DIAPH2: variants seen among roughly 807,000 people sequenced by gnomAD.
DIAPH2 encodes the protein protein diaphanous homolog 2.
In DIAPH2, 35 loss-of-function variants were observed where a neutral mutation model predicts 92.7. That is an observed-to-expected ratio of 0.38 (90% CI 0.29 to 0.50). The LOEUF is 0.50. Among genes scored for constraint, DIAPH2 ranks in the 20% least tolerant of loss-of-function variants. The probability of loss-of-function intolerance (pLI) is 0.94; values close to 1 mark genes in which losing one functional copy is unlikely to be tolerated. For synonymous variants in DIAPH2, 301 were observed against 280.4 expected (o/e 1.07, Z -0.73); for missense variants, 701 against 819.5 (o/e 0.86, Z 1.77).
At chrX:96,929,182 A>T (rs2065603420) in intron 9 of DIAPH2, among the ~76,000 whole-genome samples, 1 of 111,727 alleles carries the variant, frequency 9.0e-6, no homozygotes, top group African/African-American at 3.2e-5. Context: ...ATGATAATAT[A>T]GCTGTGGACA....
intron 25 of DIAPH2, among the ~76,000 whole-genome samples, chrX:97,404,701 C>A (rs145152711): frequency 8.9e-6 from 1 of 111,825 alleles, no homozygotes; most frequent in African/African-American, 3.2e-5. Flanking sequence ...AAGGTCCTTT[C>A]TTCTTTTATC....
At chrX:97,496,917 A>T (rs953976669) in intron 26 of DIAPH2, among the ~76,000 whole-genome samples, 13 of 112,002 alleles carry the variant, frequency 1.2e-4, no homozygotes, top group Non-Finnish European at 2.3e-4. Flanking sequence ...TTTAAAACTG[A>T]TACATTTTTA....
chrX:97,475,763 C>A (rs1378617193), intron 26 of DIAPH2, among the ~76,000 whole-genome samples: 1 of 111,855 alleles, frequency 8.9e-6, no homozygotes, highest in Non-Finnish European at 1.9e-5. Flanking sequence ...GATATGGCAA[C>A]CTGAAATGCA....
At chrX:96,981,817 GT>G (rs199677627) in intron 17 of DIAPH2, among the ~76,000 whole-genome samples, 3,560 of 111,559 alleles carry the variant, frequency 0.032, 159 homozygotes, top group African/African-American at 0.11. Context: ...TAGTATAACT[GT>G]GCCTATGGCT....
chrX:97,182,674 A>G (rs1045236431), intron 22 of DIAPH2, among the ~76,000 whole-genome samples: 20 of 111,939 alleles, frequency 1.8e-4, no homozygotes, highest in Non-Finnish European at 3.8e-4. Context: ...ATCAAAGACA[A>G]TTCTGAGCCT....
intron 1 of DIAPH2, among the ~76,000 whole-genome samples, chrX:96,690,044 C>A (rs1569366550): frequency 9.2e-6 from 1 of 108,558 alleles, no homozygotes; most frequent in East Asian, 2.9e-4. Flanking sequence ...ATACATTCCT[C>A]TTTGTCTTTT....
At chrX:96,923,282 A>C (rs2065558624) in intron 9 of DIAPH2, among the ~76,000 whole-genome samples, 1 of 111,906 alleles carries the variant, frequency 8.9e-6, no homozygotes, top group Non-Finnish European at 1.9e-5. Context: ...TAAGATGCTG[A>C]AAATAATAAT....
At chrX:97,014,250 A>G (rs1381972946) in intron 17 of DIAPH2, among the ~76,000 whole-genome samples, 2 of 111,839 alleles carry the variant, frequency 1.8e-5, no homozygotes, top group Non-Finnish European at 3.8e-5. Context: ...GTAATAGTTC[A>G]GGAAGATGGA....
At position 96,831,027 on chromosome X, in the gene DIAPH2, G is replaced by C. The variant is rs960614164; in HGVS notation, c.448-50552G>C. On this transcript the variant is annotated intron_variant, in intron 4 of 26. Transcript: ENST00000324765. ...CAGTGAAAGACTGGTAAAATCTGCTGTTACTCTTCCCCTGGCTTAGTGTGC... is the reference window on the plus strand; with the variant it reads ...CAGTGAAAGACTGGTAAAATCTGCTCTTACTCTTCCCCTGGCTTAGTGTGC... Among the ~76,000 whole-genome samples, 5 of 111,765 alleles carry C rather than the reference G, an allele frequency of 4.5e-5. No individual in the cohort carries two copies. In the South Asian group the frequency reaches 1.9e-3, roughly 42 times the overall value.
intron 23 of DIAPH2, among the ~76,000 whole-genome samples, chrX:97,332,037 C>G (rs778528483): frequency 9.0e-6 from 1 of 111,322 alleles, no homozygotes; most frequent in Non-Finnish European, 1.9e-5. Context: ...GGTTCTTAAC[C>G]CTGTTTTAGA....
intron 26 of DIAPH2, among the ~76,000 whole-genome samples, chrX:97,465,626 A>G (rs1304314445): frequency 8.9e-6 from 1 of 111,741 alleles, no homozygotes; most frequent in Admixed American, 9.5e-5. Flanking sequence ...TCTGTAACCA[A>G]TTCCTCATGG....
intron 22 of DIAPH2, among the ~76,000 whole-genome samples, chrX:97,152,924 T>C (rs909861697): frequency 3.7e-5 from 4 of 109,570 alleles, no homozygotes; most frequent in African/African-American, 6.6e-5. Context: ...TGGCAAAAGA[T>C]TCTGGTATAG....
At chrX:97,387,722 A>C (rs1159802532) in intron 25 of DIAPH2, among the ~76,000 whole-genome samples, 1 of 112,176 alleles carries the variant, frequency 8.9e-6, no homozygotes, top group East Asian at 2.8e-4. Context: ...CCAAGTTGAC[A>C]TATAAAATTA....
chrX:97,578,486 C>A (rs1305509758), intron 26 of DIAPH2, among the ~76,000 whole-genome samples: 4 of 102,088 alleles, frequency 3.9e-5, no homozygotes, highest in African/African-American at 7.1e-5. Flanking sequence ...CATGTCCCTA[C>A]AAAGGACATG....
intron 4 of DIAPH2, among the ~76,000 whole-genome samples, chrX:96,832,082 A>C (rs902371692): frequency 6.3e-5 from 7 of 111,744 alleles, no homozygotes; most frequent in Non-Finnish European, 9.4e-5. Context: ...GAATGTAATA[A>C]TTGAGAAAAA....
intron 15 of DIAPH2, among the ~76,000 whole-genome samples, chrX:96,950,839 T>C (rs1235129338): frequency 9.0e-6 from 1 of 111,698 alleles, no homozygotes; most frequent in Admixed American, 9.5e-5. Flanking sequence ...GCCTAGGCTC[T>C]GACTGCTCCC....
At chrX:97,363,664 TCAAAAAAAAAA>T (rs1225656390) in intron 24 of DIAPH2, among the ~76,000 whole-genome samples, 5 of 31,850 alleles carry the variant, frequency 1.6e-4, no homozygotes, top group African/African-American at 6.9e-4. Context: ...TGACTCTGCC[TCAAAAAAAAAA>T]AAAAAAAAAA....
chrX:97,269,076 C>T (rs892755852), intron 23 of DIAPH2, among the ~76,000 whole-genome samples: 44 of 110,849 alleles, frequency 4.0e-4, no homozygotes, highest in Non-Finnish European at 4.7e-4. Context: ...AAGCTGGCCT[C>T]GATCTCCTGA....
At chrX:97,469,929 A>G (rs1468182051) in intron 26 of DIAPH2, 1 of 696,737 alleles carries the variant, frequency 1.4e-6, no homozygotes, top group Non-Finnish European at 2.0e-6. Flanking sequence ...CATGATGGTT[A>G]ACCATATCTA....
Sources: allele counts gnomAD v4.1 joint callset (sites outside exome capture counted in the v4.1 genomes callset), GRCh38; gene constraint gnomAD v4.1.1; transcripts MANE v1.5; gene names NCBI Gene and HGNC (gene_info 2026-07-23, HGNC 2026-07-21).